The following PCDHA1 variants were observed in gnomAD, a reference collection of about 807,000 sequenced individuals.
PCDHA1 encodes the protein protocadherin alpha 1.
In PCDHA1, 42 loss-of-function variants were observed where a neutral mutation model predicts 61.3. That is an observed-to-expected ratio of 0.69 (90% CI 0.54 to 0.89). PCDHA1 has a LOEUF of 0.89. Ranked by LOEUF, PCDHA1 falls within the 40% of genes least tolerant of loss-of-function variation. The pLI is 0.00. For synonymous variants in PCDHA1, 610 were observed against 553.8 expected, an observed-to-expected ratio of 1.10 and a Z score of -1.43; for missense variants, 1,256 against 1,235.3, an observed-to-expected ratio of 1.02 and a Z score of -0.25.
intron 1 of PCDHA1, chr5:140,969,627 G>A: frequency 1.5e-6 from 1 of 664,866 alleles, no homozygotes; most frequent in Non-Finnish European, 2.5e-6. Flanking sequence ...AGAGAAACAG[G>A]ACAGGCCTTG....
rs1316774875 is a variant in PCDHA1 at position 140,883,076 on chromosome 5, G to T, written c.2394+94392G>T. The T allele has an allele frequency of 3.1e-6, 5 of 1,614,032 alleles. No homozygotes were observed. Among genetic ancestry groups the T allele is most frequent in the Middle Eastern group, 1.6e-4 (1 of 6,084 alleles). On this transcript the variant is annotated intron_variant, in intron 1 of 3. Transcript: ENST00000504120. ...GATCAAGCTAAATGCCACAGATCCT[G>T]ATGATGGTACAAATGGAGATATAGT...
In PCDHA1 at chr5:140,786,366, G is replaced by A. The variant is rs1554117357; in HGVS notation, c.76G>A (p.Val26Met). 6.2e-6 allele frequency: 10 copies of A among 1,613,780 alleles called. No individual in the cohort carries two copies. Among genetic ancestry groups the A allele is most frequent in the African/African-American group, 4.0e-5 (3 of 74,940 alleles). ...LWLLLLAAWE[V>M]GSGQLHYSIP... ...GCTTCTGCTCCTCGCAGCCTGGGAGGTGGGGAGCGGCCAGCTCCACTACTC... is the reference window on the plus strand; with the variant it reads ...GCTTCTGCTCCTCGCAGCCTGGGAGATGGGGAGCGGCCAGCTCCACTACTC... Residue 26 changes from valine (V) to methionine (M), a missense_variant, in exon 1 of 4, where the codon GTG (valine) becomes ATG (methionine). Coordinates refer to ENST00000504120, the MANE Select transcript of PCDHA1 (RefSeq NM_018900.4).
chr5:140,935,051 C>T (rs1554210307), intron 1 of PCDHA1, among the ~76,000 whole-genome samples: 1 of 152,096 alleles, frequency 6.6e-6, no homozygotes, highest in African/African-American at 2.4e-5. Context: ...TCTGGTATTA[C>T]AAGATGTTCA....
intron 1 of PCDHA1, among the ~76,000 whole-genome samples, chr5:140,957,377 G>A (rs1001680224): frequency 3.3e-5 from 5 of 152,074 alleles, no homozygotes; most frequent in Admixed American, 2.0e-4. Context: ...TTATTATAGT[G>A]TATTGTTATA....
intron 1 of PCDHA1, chr5:140,809,458 G>T (rs1764469357): frequency 6.2e-7 from 1 of 1,614,110 alleles, no homozygotes; most frequent in Non-Finnish European, 8.5e-7. Flanking sequence ...GGAGGCCGAG[G>T]GTGTGCTCTG....
chr5:140,875,432 T>C (rs1268206649), intron 1 of PCDHA1: 3 of 1,559,782 alleles, frequency 1.9e-6, no homozygotes, highest in Non-Finnish European at 2.6e-6. Flanking sequence ...AGCGATCCCT[T>C]AAAACTGATT....
intron 1 of PCDHA1, chr5:140,841,578 T>C: frequency 1.2e-6 from 2 of 1,614,008 alleles, no homozygotes; most frequent in Non-Finnish European, 1.7e-6. Flanking sequence ...ATTTTGTTTG[T>C]GAATTCTCGG....
At chr5:140,910,482 C>T (rs1439012617) in intron 1 of PCDHA1, among the ~76,000 whole-genome samples, 3 of 152,178 alleles carry the variant, frequency 2.0e-5, no homozygotes, top group African/African-American at 7.2e-5. Flanking sequence ...ATCTGGCATA[C>T]AGAGAAGAGC....
Position 140,927,036 on chromosome 5 carries a change from C to T in PCDHA1, c.2395-51913C>T, listed in dbSNP as rs137875923. 7.2e-5 allele frequency: 116 copies of T among 1,612,314 alleles called. No individual in the cohort carries two copies. In the African/African-American group the frequency reaches 1.3e-3, roughly 19 times the overall value. ...CCGCGGACTTGAGGCTGCCAGCGGC[C>T]GCTATGTCCTCGCGGAACTTTCGCT... On this transcript the variant is annotated intron_variant, in intron 1 of 3. Coordinates refer to ENST00000504120, the MANE Select transcript of PCDHA1 (RefSeq NM_018900.4).
chr5:140,953,443 A>G (rs1434216967), intron 1 of PCDHA1, among the ~76,000 whole-genome samples: 1 of 152,078 alleles, frequency 6.6e-6, no homozygotes, highest in Non-Finnish European at 1.5e-5. Flanking sequence ...TGGAGAAACT[A>G]GGGATTATCT....
chr5:140,895,885 C>T (rs2065231883), intron 1 of PCDHA1, among the ~76,000 whole-genome samples: 1 of 152,174 alleles, frequency 6.6e-6, no homozygotes, highest in South Asian at 2.1e-4. Context: ...GATCTCGGCT[C>T]ACTGCAACCT....
chr5:140,838,509 T>C (rs1297577022), intron 1 of PCDHA1, among the ~76,000 whole-genome samples: 1 of 151,988 alleles, frequency 6.6e-6, no homozygotes, highest in Non-Finnish European at 1.5e-5. Context: ...TTTTTAAAAG[T>C]ATTTGCATCT....
At chr5:140,848,529 C>T (rs2150412022) in intron 1 of PCDHA1, 7 of 1,594,446 alleles carry the variant, frequency 4.4e-6, no homozygotes, top group Non-Finnish European at 6.0e-6. Flanking sequence ...TCCAGAGGGT[C>T]AGCCTCTACT....
At position 140,808,704 on chromosome 5, in the gene PCDHA1, G is replaced by A. The variant is rs115774628; in HGVS notation, c.2394+20020G>A. On this transcript the variant is annotated intron_variant, in intron 1 of 3. Coordinates refer to ENST00000504120, the MANE Select transcript of PCDHA1 (RefSeq NM_018900.4). ...CGGGTAGGGGAGCGCGCGCTGTCGA[G>A]CTACGTTTCGGTGCATGCGGAGAGC... 1.5e-3 allele frequency: 2,450 copies of A among 1,612,186 alleles called. 38 individuals are homozygous for A. In the African/African-American group the frequency reaches 0.029, roughly 19 times the overall value.
intron 1 of PCDHA1, among the ~76,000 whole-genome samples, chr5:140,925,170 A>G (rs2153576816): frequency 6.6e-6 from 1 of 152,194 alleles, no homozygotes; most frequent in East Asian, 1.9e-4. Flanking sequence ...TGTGTAATTG[A>G]CCCCAATGTA....
At chr5:140,940,965 A>G (rs2092710706) in intron 1 of PCDHA1, among the ~76,000 whole-genome samples, 1 of 152,226 alleles carries the variant, frequency 6.6e-6, no homozygotes, top group Admixed American at 6.5e-5. Context: ...AATATGCAGG[A>G]TATCTGGTAT....
rs1383515995 is a variant in PCDHA1 at position 140,856,091 on chromosome 5, C to T, written c.2394+67407C>T. The stretch of plus-strand genomic sequence containing the variant: ...CTGCCTGGGGGTCCAGTGTCTGCTG[C>T]TCTCGCTTCTTCTCCTCGCAGCCTG... On this transcript the variant is annotated intron_variant, in intron 1 of 3. Coordinates refer to ENST00000504120, the MANE Select transcript of PCDHA1 (RefSeq NM_018900.4). 13 of 1,597,006 alleles carry T rather than the reference C, an allele frequency of 8.1e-6. 1 individual carries two copies. The highest frequency in any genetic ancestry group is 1.3e-5 in the African/African-American group (1 of 74,304).
At chr5:140,850,576 T>C (rs1554144521) in intron 1 of PCDHA1, 1 of 1,598,296 alleles carries the variant, frequency 6.3e-7, no homozygotes, top group East Asian at 2.2e-5. Flanking sequence ...GTGACGCTGG[T>C]GGATGTCAAC....
chr5:140,967,453 C>A (rs782630345), intron 1 of PCDHA1: 1 of 1,613,556 alleles, frequency 6.2e-7, no homozygotes, highest in Non-Finnish European at 8.5e-7. Context: ...TTCTCACAGC[C>A]GTGGATGGGG....
Sources: allele counts gnomAD v4.1 joint callset (sites outside exome capture counted in the v4.1 genomes callset), GRCh38; gene constraint gnomAD v4.1.1; transcripts MANE v1.5; gene names NCBI Gene and HGNC (gene_info 2026-07-23, HGNC 2026-07-21).